RNF141: variants seen among roughly 807,000 people sequenced by gnomAD.
RNF141 encodes the protein C3HC4-like zinc finger protein.
RNF141 carries 18 observed loss-of-function variants against 27.4 expected under a neutral mutation model. The ratio of observed to expected loss-of-function variants is 0.66; its 90% CI spans 0.45 to 0.97. The LOEUF (loss-of-function observed/expected upper bound fraction) is 0.97. Ranked by LOEUF, RNF141 falls within the 50% of genes least tolerant of loss-of-function variation. RNF141 has a pLI of 0.00. For synonymous variants in RNF141, 97 were observed against 96.6 expected, an observed-to-expected ratio of 1.00 and a Z score of -0.02; for missense variants, 230 against 279.4, an observed-to-expected ratio of 0.82 and a Z score of 1.26.
At chr11:10,537,864 A>G (rs1344535778) in intron 1 of RNF141, among the ~76,000 whole-genome samples, 3 of 152,226 alleles carry the variant, frequency 2.0e-5, no homozygotes, top group South Asian at 2.1e-4. Context: ...TCTAGTAATG[A>G]TAATGTCTTC....
chr11:10,529,196 T>C (rs141780860), intron 3 of RNF141, among the ~76,000 whole-genome samples: 2 of 152,358 alleles, frequency 1.3e-5, no homozygotes, highest in East Asian at 3.9e-4. Flanking sequence ...ATCATGCTAA[T>C]CATATTCCCT....
At chr11:10,522,756 ACT>A (rs1174646139) in intron 4 of RNF141, among the ~76,000 whole-genome samples, 4 of 152,200 alleles carry the variant, frequency 2.6e-5, no homozygotes, top group African/African-American at 9.7e-5. Flanking sequence ...ATGACAGTTA[ACT>A]CTTATAGACA....
chr11:10,533,726 A>T (rs1850009376), intron 2 of RNF141, among the ~76,000 whole-genome samples: 1 of 152,094 alleles, frequency 6.6e-6, no homozygotes, highest in South Asian at 2.1e-4. Context: ...ATTGGTATAA[A>T]ATTGAGATGC....
chr11:10,536,269 G>T (rs978724041), intron 1 of RNF141, among the ~76,000 whole-genome samples: 2 of 152,014 alleles, frequency 1.3e-5, no homozygotes, highest in African/African-American at 4.8e-5. Context: ...CCAGGCAGAG[G>T]TTATGAAAAG....
chr11:10,527,750 G>A (rs929522141), intron 3 of RNF141, among the ~76,000 whole-genome samples: 1 of 152,180 alleles, frequency 6.6e-6, no homozygotes, highest in Non-Finnish European at 1.5e-5. Context: ...TTGTTGTGCT[G>A]AGAATAGACA....
intron 1 of RNF141, chr11:10,540,848 C>G (rs548658968): frequency 2.0e-5 from 3 of 152,240 alleles, no homozygotes; most frequent in Non-Finnish European, 4.4e-5. Context: ...GAAAAACTCT[C>G]TCCGGGTCCC....
intron 4 of RNF141, among the ~76,000 whole-genome samples, chr11:10,520,911 A>G (rs1318893930): frequency 6.6e-6 from 1 of 152,242 alleles, no homozygotes; most frequent in Admixed American, 6.5e-5. Context: ...TTTATTCACT[A>G]TGTGTAACAC....
chr11:10,534,547 A>G (rs1303616125), intron 1 of RNF141, among the ~76,000 whole-genome samples: 1 of 152,126 alleles, frequency 6.6e-6, no homozygotes, highest in Non-Finnish European at 1.5e-5. Context: ...TCTACCTTCT[A>G]TAATTTTCCT....
Position 10,524,206 on chromosome 11 carries a change from G to A in RNF141, c.434+986C>T, listed in dbSNP as rs942571947. ...GAGGAGGGCAGGATCATGAGGTTGG[G>A]AAATGGAGACCGTCCTGGCTAACAC... On this transcript the variant is annotated intron_variant, in intron 4 of 5. Coordinates refer to ENST00000265981, the MANE Select transcript of RNF141 (RefSeq NM_016422.4). 2.0e-5 allele frequency among the ~76,000 whole-genome samples: 3 copies of A among 152,152 alleles called. No homozygotes were observed. In the East Asian group the frequency reaches 5.8e-4, roughly 29 times the overall value.
At chr11:10,521,849 AGATT>A (rs1358922015) in intron 4 of RNF141, among the ~76,000 whole-genome samples, 1 of 152,230 alleles carries the variant, frequency 6.6e-6, no homozygotes, top group Non-Finnish European at 1.5e-5. Flanking sequence ...CTGAGGAAAA[AGATT>A]GATTAGATAA....
Position 10,511,727 on chromosome 11 carries a change from T to C in RNF141, c.*3189A>G, listed in dbSNP as rs1238902780. Reference sequence around the variant, plus strand: ...CTTCCCAATGTTAAAAATCACTGAATCAAAAGATATTTTCAAGCAGCCTTT... The same window carrying C: ...CTTCCCAATGTTAAAAATCACTGAACCAAAAGATATTTTCAAGCAGCCTTT... On this transcript the variant is annotated 3_prime_UTR_variant, in exon 6 of 6. Transcript: ENST00000265981. The C allele has an allele frequency of 1.3e-5, 2 of 152,252 alleles. No homozygotes were observed. The highest frequency in any genetic ancestry group is 2.4e-5 in the African/African-American group (1 of 41,430). The allele number at this position is 152,252 out of a possible 1,614,324, so 9.4% of individuals were successfully genotyped here.
chr11:10,512,303 A>G lies in RNF141; in HGVS notation c.*2613T>C, dbSNP rs1215309617. 2 of 152,676 alleles carry G rather than the reference A, an allele frequency of 1.3e-5. No individual in the cohort carries two copies. Among genetic ancestry groups the G allele is most frequent in the African/African-American group, 4.8e-5 (2 of 41,476 alleles). The allele number at this position is 152,676 out of a possible 1,614,324, so 9.5% of individuals were successfully genotyped here. On this transcript the variant is annotated 3_prime_UTR_variant, in exon 6 of 6. Coordinates refer to ENST00000265981, the MANE Select transcript of RNF141 (RefSeq NM_016422.4). ...TTACAGTAGAACTGACCTAACATTC[A>G]CATCTAAATAATTATCACCCAGTTC...
At chr11:10,534,587 T>C (rs1217450724) in intron 1 of RNF141, among the ~76,000 whole-genome samples, 1 of 152,148 alleles carries the variant, frequency 6.6e-6, no homozygotes, top group African/African-American at 2.4e-5. Flanking sequence ...TTACCACATG[T>C]CAGGCTCCAA....
chr11:10,513,259 G>C lies in RNF141; in HGVS notation c.*1657C>G, dbSNP rs930929261. 1.1e-4 allele frequency: 17 copies of C among 152,186 alleles called. No homozygotes were observed. Among genetic ancestry groups the C allele is most frequent in the Non-Finnish European group, 2.5e-4 (17 of 68,030 alleles). 9.4% of individuals were successfully genotyped at this position (152,186 alleles called of 1,614,324 possible). ...GGCGAAATCAAGCTACCCCTGGCCA[G>C]ATGTTTTTCCTTGAAATTGATTTGA... On this transcript the variant is annotated 3_prime_UTR_variant, in exon 6 of 6. Coordinates refer to ENST00000265981, the MANE Select transcript of RNF141 (RefSeq NM_016422.4).
chr11:10,526,287 G>C (rs1043257285), intron 3 of RNF141, among the ~76,000 whole-genome samples: 1 of 152,062 alleles, frequency 6.6e-6, no homozygotes, highest in Non-Finnish European at 1.5e-5. Flanking sequence ...TATAGGGAGA[G>C]AGACAAAGAC....
At chr11:10,520,684 G>T (rs1381831380) in intron 4 of RNF141, among the ~76,000 whole-genome samples, 1 of 152,162 alleles carries the variant, frequency 6.6e-6, no homozygotes. Context: ...GTACATAATT[G>T]TAAGTGCTAT....
At chr11:10,527,977 AAAG>A (rs1157277756) in intron 3 of RNF141, among the ~76,000 whole-genome samples, 8 of 152,188 alleles carry the variant, frequency 5.3e-5, no homozygotes. Context: ...GTCTAAGAAA[AAAG>A]AAGGATGAAA....
At chr11:10,526,875 A>T (rs1849940888) in intron 3 of RNF141, among the ~76,000 whole-genome samples, 1 of 152,206 alleles carries the variant, frequency 6.6e-6, no homozygotes, top group Non-Finnish European at 1.5e-5. Flanking sequence ...TGGGAAGGTA[A>T]AATCTATCTG....
intron 1 of RNF141, among the ~76,000 whole-genome samples, chr11:10,538,660 A>G (rs1591502464): frequency 6.6e-6 from 1 of 152,240 alleles, no homozygotes; most frequent in African/African-American, 2.4e-5. Flanking sequence ...TGCAGTAAAT[A>G]CCATTGGCAG....
Sources: gnomAD v4.1 joint callset for allele counts (sites outside exome capture counted in the v4.1 genomes callset) on GRCh38, gnomAD v4.1.1 for gene constraint, MANE v1.5 for transcripts, NCBI Gene and HGNC (gene_info 2026-07-23, HGNC 2026-07-21) for gene names.